The following SULF2 variants were observed in gnomAD, a reference collection of about 807,000 sequenced individuals.
SULF2 encodes the protein sulfatase 2, also known as extracellular sulfatase Sulf-2.
SULF2 carries 52 observed loss-of-function variants against 107.7 expected under a neutral mutation model. The observed-to-expected ratio is 0.48, with a 90% confidence interval of 0.39 to 0.61. The LOEUF (loss-of-function observed/expected upper bound fraction) is 0.61, where lower values mean the gene tolerates loss of function less well. Among genes scored for constraint, SULF2 ranks in the 20% least tolerant of loss-of-function variants. The pLI, the probability that SULF2 is intolerant of heterozygous loss-of-function variation, is 0.00. For synonymous variants in SULF2, 460 were observed against 464.3 expected, an observed-to-expected ratio of 0.99 and a Z score of 0.12; for missense variants, 993 against 1,177.3, an observed-to-expected ratio of 0.84 and a Z score of 2.29.
At chr20:47,737,546 C>T (rs1448122882) in intron 2 of SULF2, among the ~76,000 whole-genome samples, 1 of 152,024 alleles carries the variant, frequency 6.6e-6, no homozygotes, top group Non-Finnish European at 1.5e-5. Flanking sequence ...ACCCTGCTGG[C>T]CTCTTGTCCA....
upstream of SULF2, chr20:47,786,122 C>T (rs1324448009): frequency 6.6e-6 from 1 of 152,232 alleles, no homozygotes; most frequent in Non-Finnish European, 1.5e-5. Context: ...GAGCTGGAAA[C>T]GAGGGAGGGA....
At chr20:47,717,192 G>A (rs1409204548) in intron 3 of SULF2, among the ~76,000 whole-genome samples, 2 of 152,306 alleles carry the variant, frequency 1.3e-5, no homozygotes, top group East Asian at 1.9e-4. Context: ...TAGAGATCCT[G>A]GGACCACGCT....
chr20:47,771,350 C>T (rs78828442), intron 1 of SULF2, among the ~76,000 whole-genome samples: 2,070 of 152,232 alleles, frequency 0.014, 46 homozygotes, highest in African/African-American at 0.047. Flanking sequence ...AGAGTCACAA[C>T]AACCTCTCCT....
intron 3 of SULF2, among the ~76,000 whole-genome samples, chr20:47,704,144 C>A (rs80096469): frequency 6.6e-6 from 1 of 152,080 alleles, no homozygotes; most frequent in Non-Finnish European, 1.5e-5. Context: ...TCCACATGCA[C>A]GCTTTACATC....
intron 1 of SULF2, among the ~76,000 whole-genome samples, chr20:47,779,518 G>C (rs918406489): frequency 2.0e-5 from 3 of 152,202 alleles, no homozygotes; most frequent in African/African-American, 7.2e-5. Context: ...CATCTGCACA[G>C]CACGCCTCTC....
At chr20:47,764,446 A>AC (rs201907938) in intron 1 of SULF2, among the ~76,000 whole-genome samples, 1,658 of 150,994 alleles carry the variant, frequency 0.011, 23 homozygotes, top group African/African-American at 0.037. Flanking sequence ...CTTATTTCCC[A>AC]CCCCCCCTTA....
chr20:47,723,209 A>T (rs113699976), intron 3 of SULF2, among the ~76,000 whole-genome samples: 23,066 of 151,506 alleles, frequency 0.15, 1,960 homozygotes, highest in Non-Finnish European at 0.2. Context: ...ATGCCACTGT[A>T]CTCCAGCCTG....
At chr20:47,751,516 C>T (rs114344413) in intron 2 of SULF2, among the ~76,000 whole-genome samples, 2,720 of 152,266 alleles carry the variant, frequency 0.018, 70 homozygotes, top group African/African-American at 0.058. Context: ...GGATGGCTTG[C>T]ACCTGTATGG....
At chr20:47,703,970 A>C (rs2088648972) in intron 3 of SULF2, among the ~76,000 whole-genome samples, 1 of 152,194 alleles carries the variant, frequency 6.6e-6, no homozygotes, top group East Asian at 1.9e-4. Flanking sequence ...AAACTAATCT[A>C]TGATGTTAGA....
intron 4 of SULF2, among the ~76,000 whole-genome samples, chr20:47,696,657 G>T (rs916413548): frequency 3.3e-5 from 5 of 152,220 alleles, no homozygotes; most frequent in African/African-American, 1.2e-4. Context: ...TACACAGGGT[G>T]TAATGCACCA....
rs78196020 is a variant in SULF2 at position 47,705,548 on chromosome 20, C to T, written c.416-2878G>A. 7.3e-3 allele frequency among the ~76,000 whole-genome samples: 1,116 copies of T among 152,260 alleles called. 16 individuals are homozygous for T. Among genetic ancestry groups the T allele is most frequent in the African/African-American group, 0.025 (1,057 of 41,548 alleles). On this transcript the variant is annotated intron_variant, in intron 3 of 20. Transcript: ENST00000688720. ...TCTGGGACCTGGAATGTTGGAGATG[C>T]CTCAATGCATCCAGCTCCTCAAAGC...
rs1602623046 is a variant in SULF2, at chr20:47,678,547, A to G, written c.1193+129T>C. ...CTCCCACAGCAGGTAAGTGGTTGGC[A>G]TGGCGGGACCTGAGAACCCCAGCTC... On this transcript the variant is annotated intron_variant, in intron 8 of 20. Coordinates refer to ENST00000688720, the MANE Select transcript of SULF2 (RefSeq NM_001387048.1). The surrounding 1 kb of genome is among the most constrained non-coding windows in gnomAD (Gnocchi z 4.5). 1 of 982,948 alleles carries G rather than the reference A, an allele frequency of 1.0e-6. No individual in the cohort carries two copies. The highest frequency in any genetic ancestry group is 2.6e-5 in the East Asian group (1 of 38,246). The allele number at this position is 982,948 out of a possible 1,614,324, so 60.9% of individuals were successfully genotyped here. A position where few individuals can be genotyped will look rare whatever the true frequency, so the allele number is the denominator to read the frequency against.
intron 2 of SULF2, among the ~76,000 whole-genome samples, chr20:47,742,956 T>G (rs989731401): frequency 1.8e-3 from 133 of 73,550 alleles, no homozygotes; most frequent in African/African-American, 6.9e-3. Flanking sequence ...TTTTTTTTTT[T>G]TGCCATTCCT....
At chr20:47,741,609 C>T (rs565892407) in intron 2 of SULF2, among the ~76,000 whole-genome samples, 18 of 152,294 alleles carry the variant, frequency 1.2e-4, no homozygotes, top group Middle Eastern at 6.8e-3. Context: ...GTGCCTGGCA[C>T]GCAGTGGGTG....
intron 3 of SULF2, among the ~76,000 whole-genome samples, chr20:47,710,595 T>C (rs2088894707): frequency 6.7e-6 from 1 of 150,008 alleles, no homozygotes; most frequent in Admixed American, 6.6e-5. Flanking sequence ...CATTGTTACG[T>C]GACACACGAC....
intron 3 of SULF2, among the ~76,000 whole-genome samples, chr20:47,713,502 C>T (rs2089002155): frequency 2.6e-5 from 4 of 152,186 alleles, no homozygotes; most frequent in Admixed American, 2.6e-4. Flanking sequence ...AGGACTCTGA[C>T]TCCTTGGGCA....
At chr20:47,710,027 G>C (rs888343563) in intron 3 of SULF2, among the ~76,000 whole-genome samples, 2 of 151,440 alleles carry the variant, frequency 1.3e-5, no homozygotes. Flanking sequence ...TCAGCCTCTC[G>C]AGTAGCTGGG....
At chr20:47,780,257 T>A (rs2090804824) in intron 1 of SULF2, among the ~76,000 whole-genome samples, 1 of 152,182 alleles carries the variant, frequency 6.6e-6, no homozygotes, top group South Asian at 2.1e-4. Context: ...CCTCCAGTGA[T>A]CTAACTGCCT....
chr20:47,757,867 G>A (rs1020020330), intron 1 of SULF2, among the ~76,000 whole-genome samples: 16 of 152,220 alleles, frequency 1.1e-4, no homozygotes, highest in Non-Finnish European at 1.9e-4. Context: ...GCATCTGCCC[G>A]CACCGTGGGG....
Sources: gnomAD v4.1 joint callset for allele counts (sites outside exome capture counted in the v4.1 genomes callset) on GRCh38, gnomAD v4.1.1 for gene constraint, Gnocchi (gnomAD v3.1) non-coding constraint, MANE v1.5 for transcripts, NCBI Gene and HGNC (gene_info 2026-07-23, HGNC 2026-07-21) for gene names.